The following PC variants were observed in gnomAD, a reference collection of about 807,000 sequenced individuals.
PC encodes the protein pyruvate carboxylase, also known as pyruvate carboxylase, mitochondrial.
Under a neutral mutation model 107.8 loss-of-function variants are expected in PC, and 46 were observed. The observed-to-expected ratio is 0.43, with a 90% CI of 0.34 to 0.55. PC has a LOEUF of 0.55. Among genes scored for constraint, PC ranks in the 20% least tolerant of loss-of-function variants. PC has a pLI of 0.04. For missense variants in PC, 1,241 were observed against 1,643.1 expected (o/e 0.76, Z 4.23); for synonymous variants, 662 against 684.7 (o/e 0.97, Z 0.52).
At chr11:66,884,242 C>G (rs1422137917) in intron 3 of PC, among the ~76,000 whole-genome samples, 1 of 137,744 alleles carries the variant, frequency 7.3e-6, no homozygotes, top group Non-Finnish European at 1.5e-5. Flanking sequence ...AAAACTCCAT[C>G]TCAAAAAAAA....
At chr11:66,863,596 C>G (rs1236083184) in intron 12 of PC, among the ~76,000 whole-genome samples, 178 bp downstream of exon 12, 1 of 152,222 alleles carries the variant, frequency 6.6e-6, no homozygotes, top group African/African-American at 2.4e-5. Context: ...CCTGCAGACT[C>G]TGAAAACAGC....
rs1372423236 is a variant in PC at position 66,852,546 on chromosome 11, G to C, written c.1718C>G (p.Ala573Gly). The C allele has an allele frequency of 3.1e-6, 5 of 1,613,896 alleles. No individual in the cohort carries two copies. The Admixed American group carries it at 6.7e-5, about 22-fold the overall frequency. Residue 573 changes from alanine to glycine, a missense_variant, in exon 15 of 23, where the codon GCC (alanine) becomes GGC (glycine). Around this residue, in one of 2 missense-constraint regions of PC, gnomAD observed 1,143 missense variants for 1,551.9 expected, o/e 0.74. Coordinates refer to ENST00000393960, the MANE Select transcript of PC (RefSeq NM_001040716.2). This position sits in a 1 kb window ranked among gnomAD's most constrained non-coding sequence, Gnocchi z 4.7. ...LLLMDTTFRD[A>G]HQSLLATRVR... ...ACGAGTGGCCAGCAGTGACTGGTGG[G>C]CGTCCCTGAAGGTCGTGTCCATCAG... is the stretch of plus-strand genomic sequence containing the variant.
intron 3 of PC, among the ~76,000 whole-genome samples, chr11:66,918,313 T>C (rs902132752): frequency 6.7e-6 from 1 of 149,896 alleles, no homozygotes; most frequent in African/African-American, 2.4e-5. Flanking sequence ...GGCAGGAGGA[T>C]TGCTTGAGCC....
Position 66,852,768 on chromosome 11 carries a change from C to T in PC, c.1582G>A (p.Val528Ile), listed in dbSNP as rs200433873. The T allele has an allele frequency of 5.2e-5, 84 of 1,604,468 alleles. No individual in the cohort carries two copies. Among genetic ancestry groups the T allele is most frequent in the South Asian group, 1.1e-4 (10 of 90,472 alleles). The change falls in exon 14 of 23, where the codon GTT becomes ATT. Residue 528 changes from valine (V) to isoleucine (I), a missense_variant. By Grantham distance (29) the Val-to-Ile change is conservative (BLOSUM62 3). Transcript: ENST00000393960. The surrounding 1 kb of genome is among the most constrained non-coding windows in gnomAD (Gnocchi z 4.7). ...VKASPSPTDPVVPAVPIGPPP... is the reference protein window; with the variant it reads ...VKASPSPTDPIVPAVPIGPPP... ...CTACCTATGGGCACTGCAGGGACAACGGGGTCCGTGGGGCTGGGGCTGGCC... is the reference window on the plus strand; with the variant it reads ...CTACCTATGGGCACTGCAGGGACAATGGGGTCCGTGGGGCTGGGGCTGGCC...
intron 3 of PC, among the ~76,000 whole-genome samples, chr11:66,885,006 T>C (rs1489760135): frequency 6.6e-6 from 1 of 152,080 alleles, no homozygotes; most frequent in Non-Finnish European, 1.5e-5. Flanking sequence ...CCCCACTCAA[T>C]TCCCCTCGTT....
intron 3 of PC, among the ~76,000 whole-genome samples, chr11:66,916,444 C>T (rs147983001): frequency 8.4e-4 from 128 of 152,188 alleles, no homozygotes; most frequent in Middle Eastern, 6.8e-3. Context: ...AGGACTTCAC[C>T]GTCTAAGCAG....
intron 12 of PC, chr11:66,856,777 G>C (rs1351999048): frequency 6.6e-6 from 1 of 152,052 alleles, no homozygotes; most frequent in South Asian, 2.1e-4. Context: ...TGTCTGCAGA[G>C]TGAGGTTCGC....
intron 12 of PC, among the ~76,000 whole-genome samples, chr11:66,854,187 A>G (rs78866530): frequency 0.04 from 6,077 of 152,174 alleles, 423 homozygotes; most frequent in African/African-American, 0.14. Flanking sequence ...CCTCTTCTCC[A>G]TCTCCAGGCC....
chr11:66,942,802 C>T lies in PC; in HGVS notation c.-1+9628G>A, dbSNP rs182261945. Among the ~76,000 whole-genome samples the T allele has an allele frequency of 3.9e-3, 587 of 151,940 alleles. 2 individuals carry two copies. Among genetic ancestry groups the T allele is most frequent in the Non-Finnish European group, 6.3e-3 (431 of 67,926 alleles). Reference sequence around the variant, plus strand: ...CCGAGGCGGGCGGATCACCTGAAGTCGGGAGTTTGAGATCATCCTGACCAA... The same window carrying T: ...CCGAGGCGGGCGGATCACCTGAAGTTGGGAGTTTGAGATCATCCTGACCAA... On this transcript the variant is annotated intron_variant, in intron 3 of 22. Transcript: ENST00000393960.
chr11:66,900,274 G>A (rs1281526136), intron 3 of PC, among the ~76,000 whole-genome samples: 3 of 136,418 alleles, frequency 2.2e-5, no homozygotes, highest in Non-Finnish European at 3.0e-5. Context: ...TCTGACTCCC[G>A]GGTTCACGTC....
chr11:66,915,047 A>G (rs549082323), intron 3 of PC, among the ~76,000 whole-genome samples: 3 of 151,738 alleles, frequency 2.0e-5, no homozygotes, highest in African/African-American at 7.2e-5. Flanking sequence ...CAAAACAACA[A>G]CAACAAAAAA....
At chr11:66,904,195 T>C (rs1163735986) in intron 3 of PC, among the ~76,000 whole-genome samples, 1 of 151,966 alleles carries the variant, frequency 6.6e-6, no homozygotes, top group Non-Finnish European at 1.5e-5. Flanking sequence ...CAGTTCCTGA[T>C]CTCCTGCCCC....
At chr11:66,875,228 CA>C (rs1946928589) in intron 3 of PC, among the ~76,000 whole-genome samples, 2 of 138,948 alleles carry the variant, frequency 1.4e-5, no homozygotes, top group East Asian at 2.1e-4. Context: ...GAGCCTCTGA[CA>C]GGGGGAAGCT....
At chr11:66,916,143 A>T (rs1313204330) in intron 3 of PC, among the ~76,000 whole-genome samples, 3 of 152,086 alleles carry the variant, frequency 2.0e-5, no homozygotes, top group Non-Finnish European at 4.4e-5. Context: ...GCTCTCACTC[A>T]CCACACTTGG....
chr11:66,897,367 T>C (rs1947796654), intron 3 of PC, among the ~76,000 whole-genome samples: 1 of 152,178 alleles, frequency 6.6e-6, no homozygotes, highest in Admixed American at 6.5e-5. Flanking sequence ...GGCCAAGAGT[T>C]CGTCACCAGT....
intron 3 of PC, among the ~76,000 whole-genome samples, chr11:66,874,840 C>T (rs925650920): frequency 3.9e-5 from 6 of 151,980 alleles, no homozygotes; most frequent in African/African-American, 4.8e-5. Flanking sequence ...TGATCTGGGG[C>T]GGGTGCAGGG....
intron 12 of PC, chr11:66,860,765 T>C: frequency 2.9e-6 from 2 of 698,040 alleles, no homozygotes; most frequent in Non-Finnish European, 5.2e-6. Flanking sequence ...CCGTATCCAG[T>C]GTAAAGCCTG....
chr11:66,918,800 C>A (rs1948525881), intron 3 of PC, among the ~76,000 whole-genome samples: 1 of 152,136 alleles, frequency 6.6e-6, no homozygotes. Context: ...CGTGTGACCT[C>A]CAAATAGTCT....
chr11:66,852,457 T>C lies in PC; in HGVS notation c.1807A>G (p.Ser603Gly). 1.2e-6 allele frequency: 2 copies of C among 1,613,946 alleles called. No homozygotes were observed. The highest frequency in any genetic ancestry group is 2.7e-5 in the African/African-American group (2 of 75,064). Reference sequence around the variant, plus strand: ...AGCCTACCTCCCCAGTTCTCCATGCTGAAGAGCTTGCTGAAGTTGTGGGCA... The same window carrying C: ...AGCCTACCTCCCCAGTTCTCCATGCCGAAGAGCTTGCTGAAGTTGTGGGCA... The part of the protein sequence containing the change: ...YVAHNFSKLF[S>G]MENWGGATFD... Residue 603 changes from serine (S) to glycine (G), a missense_variant, in exon 15 of 23, where the codon AGC becomes GGC. Physicochemically the swap from Ser to Gly is moderately conservative, Grantham distance 56. This residue lies in a region of PC where 1,143 missense variants were observed against 1,551.9 expected (regional missense o/e 0.74). Coordinates refer to ENST00000393960, the MANE Select transcript of PC (RefSeq NM_001040716.2). This position sits in a 1 kb window ranked among gnomAD's most constrained non-coding sequence, Gnocchi z 4.7.
Sources: allele counts gnomAD v4.1 joint callset (sites outside exome capture counted in the v4.1 genomes callset), GRCh38; gene constraint gnomAD v4.1.1; regional missense constraint gnomAD v4.1.1; non-coding constraint Gnocchi (gnomAD v3.1); transcripts MANE v1.5; gene names NCBI Gene and HGNC (gene_info 2026-07-23, HGNC 2026-07-21).